FRAS1: variants seen among roughly 807,000 people sequenced by gnomAD.
FRAS1 encodes extracellular matrix organizing protein FRAS1.
A neutral mutation model predicts 435.2 loss-of-function variants in FRAS1; 290 were observed. That is an observed-to-expected ratio of 0.67 (90% CI 0.61 to 0.73). FRAS1 has a LOEUF of 0.73. Among genes scored for constraint, FRAS1 ranks in the 30% least tolerant of loss-of-function variants. FRAS1 has a pLI of 0.00. For synonymous variants in FRAS1, 1,800 were observed against 1,851.0 expected (o/e 0.97, Z 0.71); for missense variants, 4,860 against 5,001.5 (o/e 0.97, Z 0.85).
At chr4:78,279,667 C>G (rs1231488409) in intron 10 of FRAS1, among the ~76,000 whole-genome samples, 1 of 152,106 alleles carries the variant, frequency 6.6e-6, no homozygotes, top group Non-Finnish European at 1.5e-5. Context: ...TTTTTATTAC[C>G]TAAAGGAAAT....
At chr4:78,509,475 C>CTTTTTTTTTTTTTTTTTTTTT (rs1560418759) in intron 63 of FRAS1, among the ~76,000 whole-genome samples, 1 of 152,176 alleles carries the variant, frequency 6.6e-6, no homozygotes, top group Admixed American at 6.5e-5. Context: ...TACCACATTT[C>CTTTTTTTTTTTTTTTTTTTTT]TGTAATGCAG....
Position 78,499,819 on chromosome 4 carries a change from G to A in FRAS1, c.9214G>A (p.Asp3072Asn). ...GAACATCAAGGTGATCCGCAGAGGG[G>A]ATCAGAACAGGACCTCCAAGGTTCG... Reference protein sequence around the residue: ...ILNIKVIRRGDQNRTSKVRCS... With the variant: ...ILNIKVIRRGNQNRTSKVRCS... The change falls in exon 61 of 74, where the codon GAT becomes AAT. Residue 3072 changes from aspartate (D) to asparagine (N), a missense_variant. Coordinates refer to ENST00000512123, the MANE Select transcript of FRAS1 (RefSeq NM_025074.7). The A allele has an allele frequency of 6.2e-7, 1 of 1,613,906 alleles. No individual in the cohort carries two copies. The highest frequency in any genetic ancestry group is 8.5e-7 in the Non-Finnish European group (1 of 1,179,818).
chr4:78,306,683 G>A (rs1265009109), intron 14 of FRAS1, among the ~76,000 whole-genome samples: 2 of 148,616 alleles, frequency 1.3e-5, no homozygotes, highest in East Asian at 2.0e-4. Context: ...CATTCTTCAC[G>A]TAGTTCTCGA....
intron 30 of FRAS1, among the ~76,000 whole-genome samples, chr4:78,403,410 CT>C (rs1478646977): frequency 6.6e-6 from 1 of 152,106 alleles, no homozygotes; most frequent in Non-Finnish European, 1.5e-5. Context: ...CCAGAGCCCC[CT>C]ATTAGTAATA....
chr4:78,458,215 A>G (rs764115994), intron 47 of FRAS1, among the ~76,000 whole-genome samples: 2 of 152,124 alleles, frequency 1.3e-5, no homozygotes, highest in African/African-American at 2.4e-5. Context: ...CATAATCCTC[A>G]TTCCTCACTA....
intron 1 of FRAS1, among the ~76,000 whole-genome samples, chr4:78,061,599 A>G (rs1053061676): frequency 2.6e-5 from 4 of 152,172 alleles, no homozygotes; most frequent in African/African-American, 9.7e-5. Context: ...TGTTTTATTT[A>G]TGGGTGAGTT....
At chr4:78,445,182 T>A (rs1299897900) in intron 41 of FRAS1, among the ~76,000 whole-genome samples, 2 of 152,234 alleles carry the variant, frequency 1.3e-5, no homozygotes. Flanking sequence ...TATTGTCACT[T>A]GCCCTAGTAA....
intron 2 of FRAS1, among the ~76,000 whole-genome samples, chr4:78,072,412 C>T (rs1740405033): frequency 6.6e-6 from 1 of 152,122 alleles, no homozygotes; most frequent in South Asian, 2.1e-4. Context: ...TCAACGTGCT[C>T]AAGAGATTTT....
chr4:78,259,804 A>C (rs988478318), intron 6 of FRAS1, among the ~76,000 whole-genome samples: 4 of 150,552 alleles, frequency 2.7e-5, no homozygotes, highest in African/African-American at 7.3e-5. Flanking sequence ...CTGAATGGTA[A>C]TGCCTAGGTT....
At position 78,419,176 on chromosome 4, in the gene FRAS1, G is replaced by A. The variant is rs534072031; in HGVS notation, c.4540+113G>A. 8 of 582,298 alleles carry A rather than the reference G, an allele frequency of 1.4e-5. No individual in the cohort carries two copies. The East Asian group carries it at 1.9e-4, about 13-fold the overall frequency. 36.1% of individuals were successfully genotyped at this position (582,298 alleles called of 1,614,324 possible). On this transcript the variant is annotated intron_variant, in intron 33 of 73. Coordinates refer to ENST00000512123, the MANE Select transcript of FRAS1 (RefSeq NM_025074.7). ...TGTATACATAGAGATATTTGTTGAG[G>A]TTTCAAGGAATAATGATTATTCATA...
intron 18 of FRAS1, among the ~76,000 whole-genome samples, chr4:78,327,283 C>T (rs1360191367): frequency 6.6e-6 from 1 of 152,042 alleles, no homozygotes; most frequent in East Asian, 1.9e-4. Context: ...CAATTTTTAG[C>T]CCTTATCACC....
intron 61 of FRAS1, among the ~76,000 whole-genome samples, chr4:78,504,999 G>A (rs1209526603): frequency 5.3e-5 from 8 of 152,170 alleles, no homozygotes; most frequent in Admixed American, 5.2e-4. Flanking sequence ...AGTTTGGCTG[G>A]ATATGAAATT....
Position 78,278,757 on chromosome 4 carries a change from CT to C in FRAS1, c.1071+15del. The stretch of plus-strand genomic sequence containing the variant: ...AACTGGAGAATTTGTGAGTATCAGG[CT>C]TATAACCGAAGATGATTTCAAATTA... On this transcript the variant is annotated intron_variant, in intron 10 of 73. Transcript: ENST00000512123. The C allele has an allele frequency of 7.0e-7, 1 of 1,425,584 alleles. No homozygotes were observed. Among genetic ancestry groups the C allele is most frequent in the Non-Finnish European group, 9.9e-7 (1 of 1,014,878 alleles). The allele number at this position is 1,425,584 out of a possible 1,614,324, so 88.3% of individuals were successfully genotyped here.
intron 2 of FRAS1, among the ~76,000 whole-genome samples, chr4:78,118,214 G>T (rs1368016265): frequency 6.6e-6 from 1 of 152,172 alleles, no homozygotes; most frequent in Non-Finnish European, 1.5e-5. Context: ...GGAGTACCCG[G>T]CCATGTGAGG....
intron 2 of FRAS1, among the ~76,000 whole-genome samples, chr4:78,182,547 A>G (rs1722063384): frequency 6.6e-6 from 1 of 152,180 alleles, no homozygotes; most frequent in Non-Finnish European, 1.5e-5. Flanking sequence ...GATTTGGGTC[A>G]GTTTAAGTCT....
At chr4:78,070,905 A>G (rs962802631) in intron 2 of FRAS1, 2 of 152,222 alleles carry the variant, frequency 1.3e-5, no homozygotes, top group African/African-American at 4.8e-5. Flanking sequence ...AAGGAGATGA[A>G]CATGAAGCAA....
rs2109833297 is a variant in FRAS1, at chr4:78,448,162, T to G, written c.6120T>G (p.Tyr2040Ter). The change falls in exon 44 of 74, where the codon TAT (tyrosine) becomes TAG (stop). Residue 2040 changes from tyrosine to a stop codon, truncating the protein, a stop_gained. Coordinates refer to ENST00000512123, the MANE Select transcript of FRAS1 (RefSeq NM_025074.7). LOFTEE classifies it high-confidence loss of function. ...ATATCCTAGCTGGGCTGGTTGGGTA[T>G]GTGCCTAGTGTCCCTGGCATGGTCG... ...YQDILAGLVG[Y>*]VPSVPGMVVD... is the part of the protein sequence containing the mutation. 6.2e-7 allele frequency: 1 copy of G among 1,613,720 alleles called. No homozygotes were observed. Among genetic ancestry groups the G allele is most frequent in the East Asian group, 2.2e-5 (1 of 44,882 alleles).
intron 38 of FRAS1, among the ~76,000 whole-genome samples, chr4:78,438,215 A>G (rs1004886885): frequency 6.6e-5 from 10 of 152,204 alleles, no homozygotes; most frequent in Non-Finnish European, 1.3e-4. Flanking sequence ...TTGATGACTT[A>G]TAGATGATCA....
At chr4:78,401,019 A>G in intron 30 of FRAS1, 132 bp downstream of exon 30, 1 of 760,060 alleles carries the variant, frequency 1.3e-6, no homozygotes, top group Non-Finnish European at 2.1e-6. Context: ...AATCCCCTTT[A>G]AAAACAGAAT....
Sources: allele counts gnomAD v4.1 joint callset (sites outside exome capture counted in the v4.1 genomes callset), GRCh38; gene constraint gnomAD v4.1.1; transcripts MANE v1.5; gene names NCBI Gene and HGNC (gene_info 2026-07-23, HGNC 2026-07-21).